The following SPAG16 variants were observed in gnomAD, a reference collection of about 807,000 sequenced individuals.
The protein encoded by SPAG16 is sperm-associated antigen 16 protein.
Under a neutral mutation model 80.4 loss-of-function variants are expected in SPAG16, and 86 were observed. That is an observed-to-expected ratio of 1.07 (90% CI 0.90 to 1.28). The LOEUF (loss-of-function observed/expected upper bound fraction) is 1.28, where lower values mean the gene tolerates loss of function less well. Ranked by LOEUF, SPAG16 falls within the 50% of genes most tolerant of loss-of-function variation. SPAG16 has a pLI of 0.00. For missense variants in SPAG16, 870 were observed against 765.3 expected (o/e 1.14, Z -1.61); for synonymous variants, 294 against 265.9 (o/e 1.11, Z -1.03).
intron 15 of SPAG16, among the ~76,000 whole-genome samples, chr2:214,394,183 G>A (rs1701234460): frequency 6.6e-6 from 1 of 151,976 alleles, no homozygotes; most frequent in African/African-American, 2.4e-5. Flanking sequence ...TTCTCTCTCT[G>A]TGCCTCTTTT....
rs749957411 is a variant in SPAG16, at chr2:213,976,135, T to TATATATATATAC, written c.1401-37815_1401-37814insTATATATATACA. Among the ~76,000 whole-genome samples the TATATATATATAC allele has an allele frequency of 6.7e-3, 546 of 81,288 alleles. 4 individuals carry two copies. Among genetic ancestry groups the TATATATATATAC allele is most frequent in the African/African-American group, 0.012 (319 of 26,354 alleles). 53.3% of individuals were successfully genotyped at this position (81,288 alleles called of 152,430 possible). ...ATATATATATATATATATATATATA[T>TATATATATATAC]ACACACACACACACACACACGTATG... On this transcript the variant is annotated intron_variant, in intron 12 of 15. Transcript: ENST00000331683.
intron 6 of SPAG16, among the ~76,000 whole-genome samples, chr2:213,342,267 T>C (rs1287244749): frequency 6.7e-6 from 1 of 149,690 alleles, no homozygotes; most frequent in Non-Finnish European, 1.5e-5. Context: ...GCAAAGTGTA[T>C]ATATATTACA....
At chr2:214,195,496 G>A (rs1559121042) in intron 15 of SPAG16, among the ~76,000 whole-genome samples, 1 of 151,980 alleles carries the variant, frequency 6.6e-6, no homozygotes, top group East Asian at 1.9e-4. Context: ...GTGCAAGATT[G>A]AACTAGAAAC....
intron 11 of SPAG16, among the ~76,000 whole-genome samples, chr2:213,872,191 G>A (rs2075980370): frequency 1.3e-5 from 2 of 152,100 alleles, no homozygotes; most frequent in Non-Finnish European, 2.9e-5. Context: ...AGGCAGAATG[G>A]TCAGAGTAAG....
intron 12 of SPAG16, among the ~76,000 whole-genome samples, chr2:213,986,514 A>C (rs2046011221): frequency 6.6e-6 from 1 of 152,032 alleles, no homozygotes; most frequent in South Asian, 2.1e-4. Context: ...ATCCACAAAA[A>C]ATAGTATATT....
Position 213,642,698 on chromosome 2 carries a change from G to A in SPAG16, c.1070+152608G>A, listed in dbSNP as rs1483881974. On this transcript the variant is annotated intron_variant, in intron 10 of 15. Transcript: ENST00000331683. ...TAGCCGGGCGTAGTGGCGGGCGCCT[G>A]TAGTCCCAGCTACTTGGGAGGCTGA... is the stretch of plus-strand genomic sequence containing the variant. Among the ~76,000 whole-genome samples the A allele has an allele frequency of 4.8e-5, 3 of 62,466 alleles. 1 individual carries two copies. Among genetic ancestry groups the A allele is most frequent in the Non-Finnish European group, 9.6e-5 (3 of 31,152 alleles). The allele number at this position is 62,466 out of a possible 152,430, so 41.0% of individuals were successfully genotyped here.
intron 11 of SPAG16, among the ~76,000 whole-genome samples, chr2:213,908,800 T>G (rs546163444): frequency 6.6e-6 from 1 of 152,032 alleles, no homozygotes; most frequent in South Asian, 2.1e-4. Flanking sequence ...TACTTTAAGT[T>G]TTAGGGTACA....
chr2:213,946,479 A>G (rs1327504387), intron 12 of SPAG16, among the ~76,000 whole-genome samples: 1 of 152,172 alleles, frequency 6.6e-6, no homozygotes, highest in South Asian at 2.1e-4. Flanking sequence ...TCTGCTCTGT[A>G]TATTTTAGAT....
chr2:213,718,523 C>T (rs79446577), intron 10 of SPAG16, among the ~76,000 whole-genome samples: 8 of 152,176 alleles, frequency 5.3e-5, no homozygotes, highest in Non-Finnish European at 1.0e-4. Context: ...GGGCTGCCTG[C>T]GGTGCTTGCA....
intron 10 of SPAG16, among the ~76,000 whole-genome samples, chr2:213,822,153 T>C (rs2125695751): frequency 6.6e-6 from 1 of 152,362 alleles, no homozygotes; most frequent in South Asian, 2.1e-4. Flanking sequence ...TGTACTACTT[T>C]ACATTCCCAC....
chr2:213,832,192 T>G (rs997450091), intron 10 of SPAG16, among the ~76,000 whole-genome samples: 3 of 151,764 alleles, frequency 2.0e-5, no homozygotes, highest in Admixed American at 2.0e-4. Context: ...GAGATGGGGT[T>G]TCATCATCTT....
At chr2:213,339,195 C>T (rs997878212) in intron 5 of SPAG16, among the ~76,000 whole-genome samples, 1 of 152,142 alleles carries the variant, frequency 6.6e-6, no homozygotes, top group South Asian at 2.1e-4. Flanking sequence ...ATACGCTGAT[C>T]CTCAGTGATT....
intron 3 of SPAG16, among the ~76,000 whole-genome samples, chr2:213,309,562 T>G (rs764000164): frequency 6.6e-5 from 10 of 152,064 alleles, no homozygotes; most frequent in Non-Finnish European, 7.4e-5. Flanking sequence ...TTACTATCCT[T>G]TAGACAATCC....
chr2:213,348,216 T>G (rs189869676), intron 6 of SPAG16, among the ~76,000 whole-genome samples: 273 of 152,308 alleles, frequency 1.8e-3, no homozygotes, highest in Middle Eastern at 3.4e-3. Context: ...CCCTGCTTTT[T>G]TTTGTTTTGC....
intron 9 of SPAG16, among the ~76,000 whole-genome samples, chr2:213,489,654 A>G (rs964938157): frequency 6.6e-6 from 1 of 152,124 alleles, no homozygotes; most frequent in Non-Finnish European, 1.5e-5. Context: ...AAAAAAGACA[A>G]TTAACCAATA....
At chr2:214,342,980 T>C (rs894604070) in intron 15 of SPAG16, among the ~76,000 whole-genome samples, 3 of 151,790 alleles carry the variant, frequency 2.0e-5, no homozygotes, top group African/African-American at 7.3e-5. Context: ...TGGCAAAAGA[T>C]GAGATTTGGG....
At chr2:213,862,407 C>A in intron 10 of SPAG16, 78 bp from the exon 11 acceptor site, 2 of 1,545,266 alleles carry the variant, frequency 1.3e-6, no homozygotes, top group African/African-American at 1.4e-5. Flanking sequence ...CGGATAATCA[C>A]TGCCATTTCA....
intron 9 of SPAG16, among the ~76,000 whole-genome samples, chr2:213,456,089 G>T (rs1235293932): frequency 6.6e-6 from 1 of 152,206 alleles, no homozygotes; most frequent in Non-Finnish European, 1.5e-5. Flanking sequence ...GCAGTGAGCA[G>T]CCAGACTTGG....
At chr2:213,942,721 T>C (rs1460725831) in intron 12 of SPAG16, among the ~76,000 whole-genome samples, 1 of 152,180 alleles carries the variant, frequency 6.6e-6, no homozygotes, top group African/African-American at 2.4e-5. Context: ...TTACTTACTA[T>C]TATATCATTG....
Sources: gnomAD v4.1 joint callset for allele counts (sites outside exome capture counted in the v4.1 genomes callset) on GRCh38, gnomAD v4.1.1 for gene constraint, MANE v1.5 for transcripts, NCBI Gene and HGNC (gene_info 2026-07-23, HGNC 2026-07-21) for gene names.